The following CTNNA3 variants were observed in gnomAD, a reference collection of about 807,000 sequenced individuals.
CTNNA3 encodes catenin alpha-3.
Under a neutral mutation model 95.7 loss-of-function variants are expected in CTNNA3, and 76 were observed. That is an observed-to-expected ratio of 0.79 (90% CI 0.66 to 0.96). The LOEUF is 0.96. Among genes scored for constraint, CTNNA3 ranks in the 40% least tolerant of loss-of-function variants. The pLI, the probability that CTNNA3 is intolerant of heterozygous loss-of-function variation, is 0.00. For missense variants in CTNNA3, 1,191 were observed against 1,089.8 expected, an observed-to-expected ratio of 1.09 and a Z score of -1.31; for synonymous variants, 431 against 374.4, an observed-to-expected ratio of 1.15 and a Z score of -1.74.
chr10:67,606,559 T>G (rs1313419461), intron 3 of CTNNA3, among the ~76,000 whole-genome samples: 2 of 152,166 alleles, frequency 1.3e-5, no homozygotes, highest in Non-Finnish European at 2.9e-5. Context: ...TTTCTCACTA[T>G]ATTCTAAGAC....
intron 13 of CTNNA3, among the ~76,000 whole-genome samples, chr10:66,199,806 T>TATATATGTATATA (rs1554887153): frequency 1.1e-4 from 1 of 9,040 alleles, no homozygotes; most frequent in African/African-American, 4.8e-4. Flanking sequence ...TATATATATA[T>TATATATGTATATA]TTTTTTTTTT....
At chr10:67,628,221 C>G (rs566929676) in intron 2 of CTNNA3, among the ~76,000 whole-genome samples, 1 of 149,304 alleles carries the variant, frequency 6.7e-6, no homozygotes, top group East Asian at 1.9e-4. Flanking sequence ...AAATAGTAAA[C>G]GACTTTGGTT....
intron 7 of CTNNA3, chr10:66,928,474 A>C (rs758973223): frequency 6.4e-7 from 1 of 1,561,130 alleles, no homozygotes; most frequent in East Asian, 2.2e-5. Context: ...TGTGATAAAA[A>C]GAGCTCTTAA....
intron 11 of CTNNA3, among the ~76,000 whole-genome samples, chr10:66,385,907 A>G (rs999687293): frequency 6.6e-6 from 1 of 152,064 alleles, no homozygotes; most frequent in African/African-American, 2.4e-5. Flanking sequence ...CATGCTAAAA[A>G]CTCTCAATAA....
chr10:66,378,185 G>A (rs2092809519), intron 12 of CTNNA3, among the ~76,000 whole-genome samples: 1 of 152,026 alleles, frequency 6.6e-6, no homozygotes, highest in Admixed American at 6.6e-5. Context: ...TTCAAGGAGT[G>A]GCTTCAAATA....
chr10:66,643,271 T>G (rs1845579113), intron 9 of CTNNA3, among the ~76,000 whole-genome samples: 1 of 152,180 alleles, frequency 6.6e-6, no homozygotes, highest in Admixed American at 6.5e-5. Flanking sequence ...CTTATTTAAT[T>G]GTATACTGAT....
At chr10:66,937,870 C>T (rs1441744601) in intron 7 of CTNNA3, among the ~76,000 whole-genome samples, 1 of 152,122 alleles carries the variant, frequency 6.6e-6, no homozygotes, top group Non-Finnish European at 1.5e-5. Context: ...TCTTATTAAT[C>T]TTTTCCTTCC....
intron 15 of CTNNA3, among the ~76,000 whole-genome samples, chr10:66,022,097 A>G (rs554404628): frequency 1.3e-5 from 2 of 152,004 alleles, no homozygotes; most frequent in African/African-American, 4.8e-5. Context: ...GGCTCAAACA[A>G]TCTTCCTGTC....
At chr10:67,601,570 T>C (rs76970739) in intron 3 of CTNNA3, among the ~76,000 whole-genome samples, 2,698 of 152,216 alleles carry the variant, frequency 0.018, 83 homozygotes, top group African/African-American at 0.062. Flanking sequence ...TTAGAAGCAA[T>C]GTCTAGAGAT....
intron 10 of CTNNA3, among the ~76,000 whole-genome samples, chr10:66,543,781 A>G (rs1056547305): frequency 7.9e-5 from 12 of 151,468 alleles, no homozygotes; most frequent in East Asian, 1.9e-4. Context: ...ACAACATCCA[A>G]TTCACCATTG....
chr10:67,207,356 G>T (rs1180865190), intron 6 of CTNNA3, among the ~76,000 whole-genome samples: 1 of 152,026 alleles, frequency 6.6e-6, no homozygotes, highest in Non-Finnish European at 1.5e-5. Flanking sequence ...CAAAGTCTTA[G>T]GTATCTTATG....
intron 13 of CTNNA3, among the ~76,000 whole-genome samples, chr10:66,167,226 G>A (rs2085181737): frequency 6.6e-6 from 1 of 152,016 alleles, no homozygotes; most frequent in Non-Finnish European, 1.5e-5. Context: ...TTTTAAAGCA[G>A]GTAATTCCAC....
At chr10:67,068,219 C>T (rs966046985) in intron 7 of CTNNA3, among the ~76,000 whole-genome samples, 1 of 151,954 alleles carries the variant, frequency 6.6e-6, no homozygotes, top group African/African-American at 2.4e-5. Context: ...TGGATTGGAC[C>T]TGGGAAGTGA....
At position 66,280,671 on chromosome 10, in the gene CTNNA3, T is replaced by C. The variant is rs755389413; in HGVS notation, c.1733-50A>G. 5.6e-6 allele frequency: 8 copies of C among 1,431,626 alleles called. No homozygotes were observed. The Admixed American group carries it at 1.2e-4, about 22-fold the overall frequency. 88.7% of individuals were successfully genotyped at this position (1,431,626 alleles called of 1,614,324 possible). On this transcript the variant is annotated intron_variant, in intron 12 of 17. Coordinates refer to ENST00000433211, the MANE Select transcript of CTNNA3 (RefSeq NM_013266.4). ...AGATTGTCCTCTTTGTATTTTTGGATTTATACAGTAGTTTCCAGGAAATGT... is the reference window on the plus strand; with the variant it reads ...AGATTGTCCTCTTTGTATTTTTGGACTTATACAGTAGTTTCCAGGAAATGT...
intron 9 of CTNNA3, among the ~76,000 whole-genome samples, chr10:66,667,398 A>T: frequency 6.6e-6 from 1 of 152,138 alleles, no homozygotes; most frequent in East Asian, 1.9e-4. Flanking sequence ...AAACAACGTT[A>T]AGAGAACAGA....
chr10:67,581,767 T>C (rs1842409028), intron 3 of CTNNA3, among the ~76,000 whole-genome samples: 2 of 152,202 alleles, frequency 1.3e-5, no homozygotes, highest in African/African-American at 4.8e-5. Context: ...GGGATTCAAC[T>C]TCTTCCTGGT....
intron 7 of CTNNA3, among the ~76,000 whole-genome samples, chr10:66,984,220 C>T (rs1589546558): frequency 6.6e-6 from 1 of 152,190 alleles, no homozygotes; most frequent in South Asian, 2.1e-4. Context: ...CGAATGATGA[C>T]GTTCTTTCAG....
chr10:66,665,060 A>T (rs1846401398), intron 9 of CTNNA3, among the ~76,000 whole-genome samples: 1 of 152,154 alleles, frequency 6.6e-6, no homozygotes, highest in Non-Finnish European at 1.5e-5. Flanking sequence ...CTGTATAACA[A>T]GTAAGAAAAC....
intron 7 of CTNNA3, among the ~76,000 whole-genome samples, chr10:66,804,401 C>T (rs1208371521): frequency 1.3e-5 from 2 of 152,018 alleles, no homozygotes; most frequent in Non-Finnish European, 2.9e-5. Context: ...TATCCTTGCT[C>T]AGTGTCACTT....
Sources: allele counts gnomAD v4.1 joint callset (sites outside exome capture counted in the v4.1 genomes callset), GRCh38; gene constraint gnomAD v4.1.1; transcripts MANE v1.5; gene names NCBI Gene and HGNC (gene_info 2026-07-23, HGNC 2026-07-21).